Variants in LGSN observed in about 807,000 individuals in gnomAD.
LGSN encodes the protein lengsin.
LGSN carries 21 observed loss-of-function variants against 19.5 expected under a neutral mutation model. That is an observed-to-expected ratio of 1.07 (90% CI 0.76 to 1.55). The LOEUF is 1.55. Among genes scored for constraint, LGSN ranks in the 40% most tolerant of loss-of-function variants. The probability of loss-of-function intolerance (pLI) is 0.00; values close to 1 mark genes in which losing one functional copy is unlikely to be tolerated. For synonymous variants in LGSN, 257 were observed against 215.6 expected, an observed-to-expected ratio of 1.19 and a Z score of -1.68; for missense variants, 673 against 608.5, an observed-to-expected ratio of 1.11 and a Z score of -1.12.
At chr6:63,477,687 C>CTTTTTTTTTTTTTTTTTTTTTTTTTTT in the LGSN span, among the ~76,000 whole-genome samples, 29 of 61,030 alleles carry the variant, frequency 4.8e-4, 2 homozygotes, top group South Asian at 3.4e-3. Flanking sequence ...TTCTTTTTTT[C>CTTTTTTTTTTTTTTTTTTTTTTTTTTT]TTTTTTTTTT....
the LGSN span, among the ~76,000 whole-genome samples, chr6:63,469,429 TTAAAG>T: frequency 2.0e-5 from 3 of 152,090 alleles, no homozygotes; most frequent in East Asian, 1.9e-4. Context: ...CCATTAAAAA[TTAAAG>T]TAAAGATCAA....
the LGSN span, among the ~76,000 whole-genome samples, chr6:63,503,099 A>C: frequency 6.6e-6 from 1 of 152,084 alleles, no homozygotes; most frequent in South Asian, 2.1e-4. Flanking sequence ...CTTCTCTATA[A>C]AATTATTGTA....
In LGSN at chr6:63,300,335, A is replaced by G. The variant is rs892652083; in HGVS notation, c.31-5290T>C. ...AGAATACCTACGTTATTTTTTCAAA[A>G]TTATTTTCAGAAACTTAAAATCTTA... On this transcript the variant is annotated intron_variant, in intron 1 of 3. Transcript: ENST00000370657. 3.3e-5 allele frequency among the ~76,000 whole-genome samples: 5 copies of G among 152,314 alleles called. No individual in the cohort carries two copies. The East Asian group carries it at 9.6e-4, about 29-fold the overall frequency.
the LGSN span, among the ~76,000 whole-genome samples, chr6:63,443,116 A>G: frequency 3.3e-5 from 5 of 152,166 alleles, no homozygotes; most frequent in Admixed American, 6.5e-5. Context: ...GCCTGGTAAG[A>G]ATTCAAGCCG....
the LGSN span, among the ~76,000 whole-genome samples, chr6:63,564,654 C>G: frequency 6.6e-6 from 1 of 152,162 alleles, no homozygotes. Flanking sequence ...TATTTATACT[C>G]CATTCCCTTT....
At chr6:63,287,898 A>G (rs1286110059) in intron 2 of LGSN, among the ~76,000 whole-genome samples, 1 of 152,118 alleles carries the variant, frequency 6.6e-6, no homozygotes, top group Non-Finnish European at 1.5e-5. Context: ...ACTTTCTACA[A>G]TGAATACATA....
the LGSN span, among the ~76,000 whole-genome samples, chr6:63,469,556 A>G: frequency 6.6e-6 from 1 of 152,230 alleles, no homozygotes; most frequent in African/African-American, 2.4e-5. Flanking sequence ...ACTTAATTAT[A>G]GTGATAAAAA....
the LGSN span, among the ~76,000 whole-genome samples, chr6:63,431,530 G>C: frequency 6.6e-6 from 1 of 152,172 alleles, no homozygotes; most frequent in Non-Finnish European, 1.5e-5. Flanking sequence ...TGGAATTCTA[G>C]CCTTACCACT....
the LGSN span, among the ~76,000 whole-genome samples, chr6:63,515,134 C>T: frequency 2.1e-4 from 32 of 152,292 alleles, no homozygotes; most frequent in African/African-American, 7.5e-4. Context: ...TCCTGAGTAG[C>T]CAGGACTACA....
chr6:63,495,465 T>C, the LGSN span, among the ~76,000 whole-genome samples: 1 of 108,728 alleles, frequency 9.2e-6, no homozygotes, highest in Non-Finnish European at 1.8e-5. Flanking sequence ...TCTTTTTTTT[T>C]TTTTTTTTTT....
the LGSN span, among the ~76,000 whole-genome samples, chr6:63,447,926 A>G: frequency 6.6e-6 from 1 of 152,204 alleles, no homozygotes; most frequent in Non-Finnish European, 1.5e-5. Context: ...AAGTTGTCCA[A>G]CAAAATTTAG....
chr6:63,403,083 TAG>T, the LGSN span, among the ~76,000 whole-genome samples: 7,219 of 145,070 alleles, frequency 0.05, 232 homozygotes, highest in Non-Finnish European at 0.077. Flanking sequence ...AGATAGATGA[TAG>T]AGAGAGAGAG....
chr6:63,418,590 A>G, the LGSN span, among the ~76,000 whole-genome samples: 13,117 of 152,162 alleles, frequency 0.086, 1,053 homozygotes, highest in African/African-American at 0.22. Context: ...AAGCAAATGA[A>G]ACAAACATAA....
chr6:63,292,930 C>G (rs1330104417), intron 2 of LGSN, among the ~76,000 whole-genome samples: 1 of 152,104 alleles, frequency 6.6e-6, no homozygotes. Flanking sequence ...AGACACTATC[C>G]CTCTAACGTC....
chr6:63,459,592 G>A, the LGSN span, among the ~76,000 whole-genome samples: 12 of 150,548 alleles, frequency 8.0e-5, no homozygotes, highest in African/African-American at 2.9e-4. Context: ...CTTTCAGGAT[G>A]AAGTCTATAT....
the LGSN span, chr6:63,549,035 T>C: frequency 1.4e-6 from 1 of 727,172 alleles, no homozygotes; most frequent in Admixed American, 1.9e-5. Context: ...CCACGTCGTG[T>C]GCAATCACCA....
chr6:63,355,678 G>A, the LGSN span, among the ~76,000 whole-genome samples: 1 of 152,090 alleles, frequency 6.6e-6, no homozygotes, highest in Non-Finnish European at 1.5e-5. Flanking sequence ...CCAGTACTCT[G>A]TCTTTTTGTT....
At chr6:63,412,464 A>AGG in the LGSN span, among the ~76,000 whole-genome samples, 18 of 128,696 alleles carry the variant, frequency 1.4e-4, no homozygotes, top group South Asian at 1.2e-3. Flanking sequence ...GAAAGAAAGA[A>AGG]AAAGAGAGAG....
the LGSN span, among the ~76,000 whole-genome samples, chr6:63,469,758 A>G: frequency 1.4e-4 from 21 of 152,178 alleles, no homozygotes; most frequent in Admixed American, 1.2e-3. Context: ...CGGAGTTTCA[A>G]TCTTATTGCC....
Sources: gnomAD v4.1 joint callset for allele counts (sites outside exome capture counted in the v4.1 genomes callset) on GRCh38, gnomAD v4.1.1 for gene constraint, MANE v1.5 for transcripts, NCBI Gene and HGNC (gene_info 2026-07-23, HGNC 2026-07-21) for gene names.